PTPRG: variants seen among roughly 807,000 people sequenced by gnomAD.
The protein encoded by PTPRG is receptor-type tyrosine-protein phosphatase gamma.
PTPRG carries 102 observed loss-of-function variants against 165.3 expected under a neutral mutation model. That is an observed-to-expected ratio of 0.62 (90% CI 0.53 to 0.73). PTPRG has a LOEUF of 0.73. Ranked by LOEUF, PTPRG falls within the 30% of genes least tolerant of loss-of-function variation. The probability of loss-of-function intolerance (pLI) is 0.00; values close to 1 mark genes in which losing one functional copy is unlikely to be tolerated. For missense variants in PTPRG, 1,866 were observed against 1,861.4 expected, an observed-to-expected ratio of 1.00 and a Z score of -0.05; for synonymous variants, 675 against 669.5, an observed-to-expected ratio of 1.01 and a Z score of -0.13.
At chr3:61,965,075 T>C (rs975954231) in intron 2 of PTPRG, among the ~76,000 whole-genome samples, 11 of 151,938 alleles carry the variant, frequency 7.2e-5, no homozygotes, top group African/African-American at 2.2e-4. Context: ...AAACCCTGTT[T>C]CTACTAAAAA....
At position 61,768,726 on chromosome 3, in the gene PTPRG, C is replaced by T. The variant is rs567401924; in HGVS notation, c.190+19744C>T. Among the ~76,000 whole-genome samples the T allele has an allele frequency of 7.2e-5, 11 of 152,174 alleles. No homozygotes were observed. In the South Asian group the frequency reaches 2.1e-3, roughly 29 times the overall value. On this transcript the variant is annotated intron_variant, in intron 2 of 29. Transcript: ENST00000474889. ...ACTTGTCCTTCACTGTGCACTTAGA[C>T]GTCCGATTAGAAAGTGAGGGAAAGA... is the stretch of plus-strand genomic sequence containing the variant.
chr3:61,622,075 T>C (rs941828382), intron 1 of PTPRG, among the ~76,000 whole-genome samples: 1 of 152,216 alleles, frequency 6.6e-6, no homozygotes, highest in African/African-American at 2.4e-5. Flanking sequence ...TTGCGGGGCA[T>C]ACATCTTTCA....
chr3:61,716,171 TTG>T, intron 1 of PTPRG, among the ~76,000 whole-genome samples: 1 of 152,294 alleles, frequency 6.6e-6, no homozygotes. Context: ...TTCCCCAGAA[TTG>T]GGGATCACGT....
chr3:61,758,341 A>G (rs1289914946), intron 2 of PTPRG, among the ~76,000 whole-genome samples: 1 of 152,182 alleles, frequency 6.6e-6, no homozygotes, highest in African/African-American at 2.4e-5. Flanking sequence ...CCCTCTGGAT[A>G]TTGTTAAACT....
At chr3:62,078,032 A>G in intron 4 of PTPRG, 131 bp from the exon 5 acceptor site, 2 of 644,354 alleles carry the variant, frequency 3.1e-6, no homozygotes, top group East Asian at 3.0e-5. Context: ...CAAAGGAAAA[A>G]TATGAACAGG....
intron 2 of PTPRG, among the ~76,000 whole-genome samples, chr3:61,932,526 G>A (rs10452045): frequency 1.3e-5 from 2 of 152,072 alleles, no homozygotes; most frequent in Admixed American, 6.6e-5. Context: ...CCTCTAATAC[G>A]GTCACTTGCT....
intron 2 of PTPRG, among the ~76,000 whole-genome samples, chr3:61,845,856 C>A (rs1188228): frequency 0.97 from 147,558 of 152,284 alleles, 71,511 homozygotes; most frequent in East Asian, 1. Context: ...AGGTTGTTTC[C>A]TATTCTTTTG....
At chr3:62,030,100 A>G (rs1250462824) in intron 4 of PTPRG, among the ~76,000 whole-genome samples, 1 of 152,174 alleles carries the variant, frequency 6.6e-6, no homozygotes, top group Non-Finnish European at 1.5e-5. Context: ...TGAGGCTTTT[A>G]GTGAAATCAT....
At chr3:61,928,734 C>T (rs9878465) in intron 2 of PTPRG, among the ~76,000 whole-genome samples, 136,433 of 152,186 alleles carry the variant, frequency 0.9, 61,549 homozygotes, top group African/African-American at 0.97. Flanking sequence ...TCTAGAGATA[C>T]TGGAGATAAG....
Position 62,190,455 on chromosome 3 carries a change from G to A in PTPRG, c.1034-1014G>A, listed in dbSNP as rs910957180. Among the ~76,000 whole-genome samples, 1 of 152,126 alleles carries A rather than the reference G, an allele frequency of 6.6e-6. No individual in the cohort carries two copies. The highest frequency in any genetic ancestry group is 1.5e-5 in the Non-Finnish European group (1 of 68,004). On this transcript the variant is annotated intron_variant, in intron 8 of 29. Transcript: ENST00000474889. The surrounding 1 kb of genome is among the most constrained non-coding windows in gnomAD (Gnocchi z 5.2). ...ACTGGATTGGACCTGTTGAGCATTT[G>A]TATAACTCATTCAGACCTGTCAAGG...
intron 5 of PTPRG, among the ~76,000 whole-genome samples, chr3:62,120,394 A>G (rs1156755748): frequency 6.6e-6 from 1 of 152,238 alleles, no homozygotes; most frequent in Admixed American, 6.5e-5. Flanking sequence ...GGTGGAATCA[A>G]AATAATTCCT....
chr3:61,763,304 C>T (rs1158253008), intron 2 of PTPRG, among the ~76,000 whole-genome samples: 2 of 151,974 alleles, frequency 1.3e-5, no homozygotes, highest in Admixed American at 6.5e-5. Flanking sequence ...GTGGCATGAT[C>T]TTGGCTCACT....
chr3:61,598,611 A>G (rs2106840194), intron 1 of PTPRG, among the ~76,000 whole-genome samples: 1 of 152,254 alleles, frequency 6.6e-6, no homozygotes, highest in Admixed American at 6.5e-5. Context: ...TGGGGCCACA[A>G]GAGAAGATGT....
At chr3:62,215,546 A>AACC (rs1700475367) in intron 12 of PTPRG, among the ~76,000 whole-genome samples, 3 of 63,758 alleles carry the variant, frequency 4.7e-5, no homozygotes, top group Non-Finnish European at 5.9e-5. Flanking sequence ...CCCTACGGGA[A>AACC]CCCCCCCCCC....
rs1297658278 is a variant in PTPRG at position 62,229,670 on chromosome 3, C to G, written c.2289-1555C>G. On this transcript the variant is annotated intron_variant, in intron 13 of 29. Coordinates refer to ENST00000474889, the MANE Select transcript of PTPRG (RefSeq NM_002841.4). This position sits in a 1 kb window ranked among gnomAD's most constrained non-coding sequence, Gnocchi z 4.6. ...CTTTCTTTGGATTTCTCAGAATTAA[C>G]TGTCTTCTCCCCCCGGGGTTAATTA... is the stretch of plus-strand genomic sequence containing the variant. Among the ~76,000 whole-genome samples the G allele has an allele frequency of 6.6e-6, 1 of 152,236 alleles. No individual in the cohort carries two copies. Among genetic ancestry groups the G allele is most frequent in the Non-Finnish European group, 1.5e-5 (1 of 68,048 alleles).
intron 2 of PTPRG, among the ~76,000 whole-genome samples, chr3:61,841,765 A>G (rs2036640867): frequency 6.6e-6 from 1 of 152,220 alleles, no homozygotes; most frequent in Non-Finnish European, 1.5e-5. Context: ...GTGTAAATAC[A>G]GGACGATAAA....
chr3:62,200,592 A>C (rs1037076065), intron 10 of PTPRG, among the ~76,000 whole-genome samples: 1 of 152,180 alleles, frequency 6.6e-6, no homozygotes, highest in Admixed American at 6.5e-5. Flanking sequence ...TTAAGATGAT[A>C]AATTCTGTCA....
In PTPRG at chr3:62,252,377, T is replaced by C. The variant is rs550276009; in HGVS notation, c.2468-2747T>C. On this transcript the variant is annotated intron_variant, in intron 15 of 29. Coordinates refer to ENST00000474889, the MANE Select transcript of PTPRG (RefSeq NM_002841.4). The surrounding 1 kb of genome is among the most constrained non-coding windows in gnomAD (Gnocchi z 4.6). ...TCTAGGGTCTGCAGCCAACTTCTTC[T>C]GCCATTCTAAACTTTTTTCAGCTGC... is the stretch of plus-strand genomic sequence containing the variant. Among the ~76,000 whole-genome samples, 9 of 152,338 alleles carry C rather than the reference T, an allele frequency of 5.9e-5. No homozygotes were observed. In the East Asian group the frequency reaches 1.7e-3, roughly 29 times the overall value.
intron 4 of PTPRG, among the ~76,000 whole-genome samples, chr3:62,028,992 A>G (rs1165377899): frequency 6.6e-6 from 1 of 152,190 alleles, no homozygotes; most frequent in East Asian, 1.9e-4. Context: ...TCAGGTGGTC[A>G]TTACTTGGTC....
Sources: gnomAD v4.1 joint callset for allele counts (sites outside exome capture counted in the v4.1 genomes callset) on GRCh38, gnomAD v4.1.1 for gene constraint, Gnocchi (gnomAD v3.1) non-coding constraint, MANE v1.5 for transcripts, NCBI Gene and HGNC (gene_info 2026-07-23, HGNC 2026-07-21) for gene names.